The following ROR1 variants were observed in gnomAD, a reference collection of about 807,000 sequenced individuals.
The protein encoded by ROR1 is ROR family WNT receptor 1, also known as inactive tyrosine-protein kinase transmembrane receptor ROR1.
Under a neutral mutation model 78.8 loss-of-function variants are expected in ROR1, and 19 were observed. That is an observed-to-expected ratio of 0.24 (90% confidence interval 0.17 to 0.35). ROR1 has a LOEUF of 0.35. Among genes scored for constraint, ROR1 ranks in the 10% least tolerant of loss-of-function variants. The pLI is 1.00. For missense variants in ROR1, 917 were observed against 1,177.8 expected (o/e 0.78, Z 3.24); for synonymous variants, 386 against 433.6 (o/e 0.89, Z 1.36).
chr1:63,908,614 T>C (rs1645545841), intron 1 of ROR1, among the ~76,000 whole-genome samples: 1 of 152,246 alleles, frequency 6.6e-6, no homozygotes, highest in Non-Finnish European at 1.5e-5. Context: ...CCATCTTTAC[T>C]AACAAAACAT....
intron 1 of ROR1, among the ~76,000 whole-genome samples, chr1:64,001,597 T>G (rs550341127): frequency 1.3e-5 from 2 of 152,340 alleles, no homozygotes; most frequent in South Asian, 4.1e-4. Flanking sequence ...CAGCTTTTGA[T>G]GTCTTATGGA....
intron 1 of ROR1, among the ~76,000 whole-genome samples, chr1:63,897,642 A>G (rs1645450818): frequency 6.6e-6 from 1 of 152,202 alleles, no homozygotes; most frequent in Non-Finnish European, 1.5e-5. Context: ...ACCCAACAGG[A>G]CATCAGCAGC....
At chr1:64,161,735 C>A (rs1183554807) in intron 8 of ROR1, among the ~76,000 whole-genome samples, 1 of 152,182 alleles carries the variant, frequency 6.6e-6, no homozygotes, top group East Asian at 1.9e-4. Context: ...GCCTTAAACT[C>A]CTGAACCAGA....
chr1:64,057,080 G>A (rs1461216026), intron 4 of ROR1, among the ~76,000 whole-genome samples: 19 of 152,212 alleles, frequency 1.2e-4, no homozygotes, highest in Admixed American at 6.5e-4. Flanking sequence ...TGATGCAAGC[G>A]TACAAAGATT....
chr1:63,880,252 A>C (rs1483830263), intron 1 of ROR1, among the ~76,000 whole-genome samples: 1 of 152,240 alleles, frequency 6.6e-6, no homozygotes, highest in African/African-American at 2.4e-5. Flanking sequence ...ATTGCTGATT[A>C]AAGAATGCCA....
intron 1 of ROR1, among the ~76,000 whole-genome samples, chr1:63,884,852 G>A (rs1354849805): frequency 6.7e-6 from 1 of 148,302 alleles, no homozygotes; most frequent in South Asian, 2.1e-4. Flanking sequence ...TTTTTTTTTT[G>A]AGGAGAGTCA....
intron 1 of ROR1, among the ~76,000 whole-genome samples, chr1:63,972,156 A>G (rs571706113): frequency 3.3e-4 from 50 of 151,926 alleles, no homozygotes; most frequent in Non-Finnish European, 6.5e-4. Flanking sequence ...TTCCCTTTCT[A>G]TATTTGTTGT....
intron 1 of ROR1, among the ~76,000 whole-genome samples, chr1:63,972,765 C>T (rs975178612): frequency 6.6e-6 from 1 of 152,208 alleles, no homozygotes; most frequent in Non-Finnish European, 1.5e-5. Context: ...GCGACCACAA[C>T]TTAATTCCAG....
At chr1:64,124,069 G>C (rs1356931719) in intron 4 of ROR1, among the ~76,000 whole-genome samples, 1 of 152,094 alleles carries the variant, frequency 6.6e-6, no homozygotes, top group Non-Finnish European at 1.5e-5. Context: ...AAAAAACTAT[G>C]TCTAGTATAA....
intron 1 of ROR1, among the ~76,000 whole-genome samples, chr1:63,890,436 A>G (rs1325104063): frequency 6.7e-6 from 1 of 150,336 alleles, no homozygotes; most frequent in Admixed American, 6.7e-5. Context: ...ATTCCATACT[A>G]GATATGAGGG....
At chr1:63,824,955 AAT>A (rs1644944771) in intron 1 of ROR1, among the ~76,000 whole-genome samples, 1 of 152,164 alleles carries the variant, frequency 6.6e-6, no homozygotes, top group Admixed American at 6.5e-5. Context: ...TGAATATTCA[AAT>A]ATAAACTGAA....
At chr1:63,876,683 C>CGTGT (rs1645288326) in intron 1 of ROR1, among the ~76,000 whole-genome samples, 1 of 74,940 alleles carries the variant, frequency 1.3e-5, no homozygotes, top group East Asian at 2.8e-4. Flanking sequence ...TGTGTGTGTG[C>CGTGT]GCGTGTGTGT....
chr1:64,046,036 C>T (rs1646780222), intron 2 of ROR1, among the ~76,000 whole-genome samples: 1 of 152,208 alleles, frequency 6.6e-6, no homozygotes, highest in African/African-American at 2.4e-5. Flanking sequence ...CACATAAAAG[C>T]CAGATTGCTT....
intron 1 of ROR1, among the ~76,000 whole-genome samples, chr1:63,847,242 A>G (rs753141502): frequency 1.8e-4 from 27 of 152,234 alleles, no homozygotes; most frequent in Non-Finnish European, 1.9e-4. Flanking sequence ...TAAAGACGGG[A>G]CTTGGAGGAA....
At chr1:64,128,851 A>G (rs996042617) in intron 4 of ROR1, among the ~76,000 whole-genome samples, 1 of 152,064 alleles carries the variant, frequency 6.6e-6, no homozygotes, top group African/African-American at 2.4e-5. Context: ...AAGGTGAGGC[A>G]GGAGAAGATG....
intron 4 of ROR1, among the ~76,000 whole-genome samples, chr1:64,087,424 A>G (rs143214030): frequency 2.2e-4 from 33 of 152,334 alleles, no homozygotes; most frequent in Middle Eastern, 3.4e-3. Context: ...CTGAGAAAAG[A>G]TGGCAGACCA....
intron 1 of ROR1, among the ~76,000 whole-genome samples, chr1:63,955,318 A>G (rs1236626146): frequency 1.3e-5 from 2 of 152,188 alleles, no homozygotes; most frequent in African/African-American, 2.4e-5. Context: ...GTTTGCTAAT[A>G]TAAGCATAAA....
chr1:64,173,992 A>G (rs1235256133), intron 8 of ROR1, among the ~76,000 whole-genome samples: 5 of 152,014 alleles, frequency 3.3e-5, no homozygotes, highest in African/African-American at 7.2e-5. Context: ...TTTTTTTTTA[A>G]CTAGCAACTA....
intron 1 of ROR1, among the ~76,000 whole-genome samples, chr1:63,975,267 C>T (rs913601132): frequency 3.9e-5 from 6 of 152,136 alleles, no homozygotes; most frequent in African/African-American, 1.2e-4. Flanking sequence ...ATCTCCCAAA[C>T]GAATAAAAGT....
Sources: allele counts gnomAD v4.1 joint callset (sites outside exome capture counted in the v4.1 genomes callset), GRCh38; gene constraint gnomAD v4.1.1; transcripts MANE v1.5; gene names NCBI Gene and HGNC (gene_info 2026-07-23, HGNC 2026-07-21).